NECTIN3: variants seen among roughly 807,000 people sequenced by gnomAD.
NECTIN3 encodes nectin-3.
Under a neutral mutation model 49.4 loss-of-function variants are expected in NECTIN3, and 8 were observed. That is an observed-to-expected ratio of 0.16 (90% CI 0.10 to 0.29). The LOEUF is 0.29. Among genes scored for constraint, NECTIN3 ranks in the 10% least tolerant of loss-of-function variants. The pLI, the probability that NECTIN3 is intolerant of heterozygous loss-of-function variation, is 1.00. For synonymous variants in NECTIN3, 277 were observed against 241.1 expected (o/e 1.15, Z -1.38); for missense variants, 581 against 654.6 (o/e 0.89, Z 1.23).
chr3:111,126,468 C>T, intron 5 of NECTIN3, 133 bp downstream of exon 5: 1 of 747,270 alleles, frequency 1.3e-6, no homozygotes, highest in Non-Finnish European at 2.1e-6. Flanking sequence ...TCCAAATAAT[C>T]TAAAAGGAAT....
chr3:111,133,526 A>C, intron 5 of NECTIN3, 109 bp from the exon 6 acceptor site: 1 of 1,385,516 alleles, frequency 7.2e-7, no homozygotes, highest in Non-Finnish European at 9.6e-7. Flanking sequence ...TATTGTTACT[A>C]TGAATATATA....
At chr3:111,138,902 AAAGT>A (rs2034670041), downstream of NECTIN3, among the ~76,000 whole-genome samples, 1 of 151,670 alleles carries the variant, frequency 6.6e-6, no homozygotes, top group Admixed American at 6.6e-5. Context: ...ACCTAATTGT[AAAGT>A]GACAGTTCTA....
intron 5 of NECTIN3, among the ~76,000 whole-genome samples, chr3:111,132,402 TTACCCCA>T (rs2034427990): frequency 6.6e-6 from 1 of 151,892 alleles, no homozygotes; most frequent in Non-Finnish European, 1.5e-5. Context: ...TTAGAATAAC[TTACCCCA>T]TGTAGATTTA....
At chr3:111,181,842 ATTGT>A (rs751528217) in intron 7 of NECTIN3, among the ~76,000 whole-genome samples, 2 of 151,546 alleles carry the variant, frequency 1.3e-5, no homozygotes, top group African/African-American at 2.4e-5. Flanking sequence ...AATTCTCTCC[ATTGT>A]TTGTGTGTTT....
chr3:111,092,283 C>A (rs563608137), intron 1 of NECTIN3, among the ~76,000 whole-genome samples: 11 of 152,280 alleles, frequency 7.2e-5, no homozygotes, highest in African/African-American at 2.6e-4. Flanking sequence ...TCCATTTTAA[C>A]AGAAAAGCTT....
intron 7 of NECTIN3, among the ~76,000 whole-genome samples, chr3:111,166,037 G>T (rs2035312689): frequency 6.6e-6 from 1 of 152,104 alleles, no homozygotes; most frequent in South Asian, 2.1e-4. Flanking sequence ...AAATTTCAGG[G>T]ATTTAAAACA....
rs2107464434 is a variant in NECTIN3 at position 111,119,078 on chromosome 3, A to C, written c.799+126A>C. 3.3e-6 allele frequency: 3 copies of C among 905,934 alleles called. No homozygotes were observed. The East Asian group carries it at 8.2e-5, about 25-fold the overall frequency. 56.1% of individuals were successfully genotyped at this position (905,934 alleles called of 1,614,324 possible). A position where few individuals can be genotyped will look rare whatever the true frequency, so the allele number is the denominator to read the frequency against. On this transcript the variant is annotated intron_variant, in intron 3 of 5. Transcript: ENST00000485303. ...CTTTTAATTTTGTTTGTTTTCATGG[A>C]AATTTCATTTAACCAGAACATTTTT...
chr3:111,092,103 A>G (rs1411214930), intron 1 of NECTIN3, among the ~76,000 whole-genome samples: 1 of 152,194 alleles, frequency 6.6e-6, no homozygotes, highest in Non-Finnish European at 1.5e-5. Context: ...AAGGCATGTC[A>G]GTTCAGACCC....
intron 7 of NECTIN3, among the ~76,000 whole-genome samples, chr3:111,156,546 A>G (rs911931256): frequency 1.3e-5 from 2 of 151,400 alleles, no homozygotes; most frequent in Non-Finnish European, 2.9e-5. Context: ...AAATGGAAAA[A>G]CATTCAAAAG....
intron 1 of NECTIN3, among the ~76,000 whole-genome samples, chr3:111,108,040 A>G (rs2033261981): frequency 6.6e-6 from 1 of 152,158 alleles, no homozygotes; most frequent in Non-Finnish European, 1.5e-5. Flanking sequence ...GAATCAAACA[A>G]AAAACACAGC....
chr3:111,176,082 G>A (rs2035523086), intron 7 of NECTIN3, among the ~76,000 whole-genome samples: 1 of 152,102 alleles, frequency 6.6e-6, no homozygotes, highest in Non-Finnish European at 1.5e-5. Flanking sequence ...GTAGTTATTA[G>A]CCTGTTTTAG....
chr3:111,071,988 C>G lies in NECTIN3; in HGVS notation c.-30C>G, dbSNP rs1197021621. 1.8e-6 allele frequency: 2 copies of G among 1,086,620 alleles called. No individual in the cohort carries two copies. The highest frequency in any genetic ancestry group is 1.2e-6 in the Non-Finnish European group (1 of 857,160). 67.3% of individuals were successfully genotyped at this position (1,086,620 alleles called of 1,614,324 possible). A position where few individuals can be genotyped will look rare whatever the true frequency, so the allele number is the denominator to read the frequency against. On this transcript the variant is annotated 5_prime_UTR_variant, in exon 1 of 6. Coordinates refer to ENST00000485303, the MANE Select transcript of NECTIN3 (RefSeq NM_015480.3). ...GGGGCCGGGGGAGCCGGGGGGCGGG[C>G]GGGCGAGCGGGCCGGGGGGAGGGTG... is the stretch of plus-strand genomic sequence containing the variant.
chr3:111,091,808 G>T (rs2032288773), intron 1 of NECTIN3, among the ~76,000 whole-genome samples: 1 of 152,154 alleles, frequency 6.6e-6, no homozygotes, highest in Admixed American at 6.5e-5. Flanking sequence ...ATTTCACTTG[G>T]GTATTTACCT....
chr3:111,152,387 C>T (rs1219382766), intron 7 of NECTIN3, among the ~76,000 whole-genome samples: 1 of 151,878 alleles, frequency 6.6e-6, no homozygotes, highest in Non-Finnish European at 1.5e-5. Context: ...TCCACAACCT[C>T]ACCAATAGTA....
intron 1 of NECTIN3, among the ~76,000 whole-genome samples, chr3:111,107,638 A>T (rs764682405): frequency 4.6e-5 from 7 of 152,156 alleles, no homozygotes; most frequent in African/African-American, 7.2e-5. Context: ...ATAAACGTTT[A>T]CATTTCTTCA....
intron 7 of NECTIN3, among the ~76,000 whole-genome samples, chr3:111,148,890 G>T (rs201886771): frequency 6.6e-6 from 1 of 151,926 alleles, no homozygotes; most frequent in East Asian, 1.9e-4. Context: ...CTCTTTGCTT[G>T]TATTTGTTGG....
At position 111,118,849 on chromosome 3, in the gene NECTIN3, G is replaced by A; in HGVS notation, c.696G>A (p.Lys232=). Residue 232 remains lysine, a synonymous_variant, in exon 3 of 6, where the codon AAG becomes AAA. Coordinates refer to ENST00000485303, the MANE Select transcript of NECTIN3 (RefSeq NM_015480.3). The part of the protein sequence containing the change: ...NETATIISQY[K]LFPTRFARGR... ...CGGCAACGATTATCAGCCAGTACAA[G>A]CTATTTCCAACCAGATTTGCTAGAG... The A allele has an allele frequency of 6.2e-7, 1 of 1,614,072 alleles. No homozygotes were observed. The highest frequency in any genetic ancestry group is 1.3e-5 in the African/African-American group (1 of 75,006).
At chr3:111,121,631 G>A (rs1457843706) in intron 3 of NECTIN3, among the ~76,000 whole-genome samples, 1 of 151,978 alleles carries the variant, frequency 6.6e-6, no homozygotes, top group African/African-American at 2.4e-5. Flanking sequence ...TTGTAACATA[G>A]GGAATCTAGT....
At chr3:111,072,332 C>T (rs1001237428) in intron 1 of NECTIN3, 155 bp downstream of exon 1, 19 of 1,432,704 alleles carry the variant, frequency 1.3e-5, no homozygotes, top group Non-Finnish European at 1.6e-5. Context: ...TCGCCGCGCC[C>T]GGGGCGAGGC....
Sources: gnomAD v4.1 joint callset for allele counts (sites outside exome capture counted in the v4.1 genomes callset) on GRCh38, gnomAD v4.1.1 for gene constraint, MANE v1.5 for transcripts, NCBI Gene and HGNC (gene_info 2026-07-23, HGNC 2026-07-21) for gene names.